Variants in PHLDB2 observed in about 807,000 individuals in gnomAD.
PHLDB2 encodes pleckstrin homology-like domain family B member 2.
A neutral mutation model predicts 123.6 loss-of-function variants in PHLDB2; 71 were observed. The ratio of observed to expected loss-of-function variants is 0.57; its 90% CI spans 0.47 to 0.70. PHLDB2 has a LOEUF of 0.70. Ranked by LOEUF, PHLDB2 falls within the 30% of genes least tolerant of loss-of-function variation. The pLI is 0.00. For synonymous variants in PHLDB2, 547 were observed against 541.6 expected (o/e 1.01, Z -0.14); for missense variants, 1,446 against 1,519.5 (o/e 0.95, Z 0.80).
chr3:111,933,450 AAC>A lies in PHLDB2; in HGVS notation c.2130+1055_2130+1056del, dbSNP rs545660109. The stretch of plus-strand genomic sequence containing the variant: ...TGAGAACGTCACTAGGTGAAAAAAT[AAC>A]AGTTAAAGCTTTTCAATGTATTGCA... On this transcript the variant is annotated intron_variant, in intron 6 of 17. Coordinates refer to ENST00000431670, the MANE Select transcript of PHLDB2 (RefSeq NM_001134438.2). Among the ~76,000 whole-genome samples, 161 of 152,360 alleles carry A rather than the reference AAC, an allele frequency of 1.1e-3. 1 individual carries two copies. The highest frequency in any genetic ancestry group is 3.7e-3 in the African/African-American group (154 of 41,580).
At chr3:111,850,608 A>C (rs1190228922) in intron 2 of PHLDB2, among the ~76,000 whole-genome samples, 2 of 152,110 alleles carry the variant, frequency 1.3e-5, no homozygotes, top group Admixed American at 6.5e-5. Flanking sequence ...TCTACAAAAA[A>C]ATTTTAAAAT....
chr3:111,947,445 T>C (rs1279284653), intron 9 of PHLDB2, among the ~76,000 whole-genome samples: 1 of 152,204 alleles, frequency 6.6e-6, no homozygotes, highest in African/African-American at 2.4e-5. Flanking sequence ...TTTCTTTTTT[T>C]CTTCTGCTCT....
At chr3:111,971,628 T>G (rs1486471587) in intron 16 of PHLDB2, among the ~76,000 whole-genome samples, 1 of 152,162 alleles carries the variant, frequency 6.6e-6, no homozygotes, top group Non-Finnish European at 1.5e-5. Flanking sequence ...ATCAGCTTTG[T>G]CCACTCCTAC....
intron 5 of PHLDB2, among the ~76,000 whole-genome samples, chr3:111,925,587 G>A (rs1342401943): frequency 6.6e-6 from 1 of 152,222 alleles, no homozygotes; most frequent in Admixed American, 6.5e-5. Context: ...TTTTCTTATA[G>A]CAAGTGAAAG....
intron 1 of PHLDB2, among the ~76,000 whole-genome samples, chr3:111,739,600 A>AGG (rs2059568813): frequency 7.2e-6 from 1 of 138,674 alleles, no homozygotes. Flanking sequence ...AAACAAACAA[A>AGG]AAAAAAAAAC....
intron 12 of PHLDB2, among the ~76,000 whole-genome samples, chr3:111,960,697 A>C (rs1196064792): frequency 6.6e-6 from 1 of 152,226 alleles, no homozygotes; most frequent in African/African-American, 2.4e-5. Context: ...ATTGAAAGGT[A>C]GGTAGAGCAC....
At chr3:111,815,078 C>A (rs562515595) in intron 1 of PHLDB2, among the ~76,000 whole-genome samples, 6 of 152,270 alleles carry the variant, frequency 3.9e-5, no homozygotes, top group African/African-American at 1.2e-4. Context: ...TTGCCTGCTG[C>A]CATCCATGTA....
chr3:111,941,683 C>T (rs1382278167), intron 8 of PHLDB2, among the ~76,000 whole-genome samples: 3 of 152,062 alleles, frequency 2.0e-5, no homozygotes, highest in Non-Finnish European at 4.4e-5. Context: ...TAGCACACAC[C>T]TTGATCCCAG....
rs774889420 is a variant in PHLDB2 at position 111,911,697 on chromosome 3, G to T, written c.1336-1622G>T. On this transcript the variant is annotated intron_variant, in intron 2 of 17. Transcript: ENST00000431670. ...CCATGAGGACGGAGCTGCAGCTGGAGTCCAGAAGTTCAGGCAGTGAAAGGG... is the reference window on the plus strand; with the variant it reads ...CCATGAGGACGGAGCTGCAGCTGGATTCCAGAAGTTCAGGCAGTGAAAGGG... The T allele has an allele frequency of 4.6e-6, 7 of 1,536,292 alleles. No individual in the cohort carries two copies. The South Asian group carries it at 7.1e-5, about 16-fold the overall frequency.
At chr3:111,907,109 GTT>G in intron 2 of PHLDB2, among the ~76,000 whole-genome samples, 1 of 152,298 alleles carries the variant, frequency 6.6e-6, no homozygotes, top group Middle Eastern at 3.4e-3. Context: ...CTAAGGCAAT[GTT>G]TGTGTAAATG....
At chr3:111,936,488 T>C (rs1214426214) in intron 6 of PHLDB2, among the ~76,000 whole-genome samples, 1 of 152,214 alleles carries the variant, frequency 6.6e-6, no homozygotes, top group African/African-American at 2.4e-5. Flanking sequence ...TTGTTTAAGA[T>C]GTAAGTTTAT....
intron 1 of PHLDB2, among the ~76,000 whole-genome samples, chr3:111,736,492 C>A (rs947773629): frequency 4.6e-5 from 7 of 152,118 alleles, no homozygotes; most frequent in Non-Finnish European, 7.4e-5. Context: ...AGGTGAATGG[C>A]CTTCTCAGTC....
chr3:111,749,101 C>CAA (rs2059728049), intron 1 of PHLDB2, among the ~76,000 whole-genome samples: 1 of 104,606 alleles, frequency 9.6e-6, no homozygotes, highest in Non-Finnish European at 1.9e-5. Flanking sequence ...CAAGAGAAGG[C>CAA]TAAAAAAAAA....
Position 111,860,024 on chromosome 3 carries a change from G to C in PHLDB2, c.-15+448G>C, listed in dbSNP as rs2064739815. 7.0e-6 allele frequency: 3 copies of C among 427,622 alleles called. No homozygotes were observed. In the South Asian group the frequency reaches 2.9e-4, roughly 41 times the overall value. The allele number at this position is 427,622 out of a possible 1,614,324, so 26.5% of individuals were successfully genotyped here. A position where few individuals can be genotyped will look rare whatever the true frequency, so the allele number is the denominator to read the frequency against. On this transcript the variant is annotated intron_variant, in intron 1 of 17. Coordinates refer to ENST00000431670, the MANE Select transcript of PHLDB2 (RefSeq NM_001134438.2). ...CGTTGTGCATGACTCTCGGGGGGCT[G>C]GGTAGATCTCCGGTTGAGGGGATCC... is the stretch of plus-strand genomic sequence containing the variant.
At chr3:111,915,761 T>G (rs1361282681) in intron 3 of PHLDB2, 2 of 152,228 alleles carry the variant, frequency 1.3e-5, no homozygotes, top group Non-Finnish European at 2.9e-5. Context: ...TGACCATGTT[T>G]ACCTTACTAA....
rs143423065 is a variant in PHLDB2 at position 111,812,950 on chromosome 3, A to T, written c.-48-32871A>T. On this transcript the variant is annotated intron_variant, in intron 1 of 17. Transcript: ENST00000393923. The stretch of plus-strand genomic sequence containing the variant: ...AACATTGGCAGGATGCTTCCCCCAT[A>T]GCATTATCACATTGCTTTGTGACTG... Among the ~76,000 whole-genome samples, 779 of 152,304 alleles carry T rather than the reference A, an allele frequency of 5.1e-3. 4 individuals are homozygous for T. Among genetic ancestry groups the T allele is most frequent in the Middle Eastern group, 0.041 (12 of 294 alleles).
At chr3:111,806,707 A>G (rs1013446837) in intron 1 of PHLDB2, among the ~76,000 whole-genome samples, 1 of 151,930 alleles carries the variant, frequency 6.6e-6, no homozygotes, top group Non-Finnish European at 1.5e-5. Flanking sequence ...GCTGGTCTTG[A>G]ACTCCTGACC....
intron 2 of PHLDB2, among the ~76,000 whole-genome samples, chr3:111,893,095 C>CTA (rs11424353): frequency 6.6e-6 from 1 of 151,626 alleles, no homozygotes; most frequent in South Asian, 2.1e-4. Flanking sequence ...GTCCTGACCA[C>CTA]CCCCCCAAAA....
intron 12 of PHLDB2, among the ~76,000 whole-genome samples, chr3:111,954,748 G>A (rs1004396324): frequency 1.3e-5 from 2 of 152,186 alleles, no homozygotes; most frequent in South Asian, 4.1e-4. Flanking sequence ...TGCCAAGAAT[G>A]CAAATGAATG....
Sources: allele counts gnomAD v4.1 joint callset (sites outside exome capture counted in the v4.1 genomes callset), GRCh38; gene constraint gnomAD v4.1.1; transcripts MANE v1.5; gene names NCBI Gene and HGNC (gene_info 2026-07-23, HGNC 2026-07-21).